SHTN1: variants seen among roughly 807,000 people sequenced by gnomAD.
The protein encoded by SHTN1 is shootin 1.
In SHTN1, 42 loss-of-function variants were observed where a neutral mutation model predicts 83.1. That is an observed-to-expected ratio of 0.51 (90% CI 0.39 to 0.65). The LOEUF is 0.65. Ranked by LOEUF, SHTN1 falls within the 30% of genes least tolerant of loss-of-function variation. The pLI, the probability that SHTN1 is intolerant of heterozygous loss-of-function variation, is 0.00. For missense variants in SHTN1, 622 were observed against 737.8 expected (o/e 0.84, Z 1.82); for synonymous variants, 224 against 247.7 (o/e 0.90, Z 0.90).
intron 1 of SHTN1, among the ~76,000 whole-genome samples, chr10:116,983,622 G>T (rs1303141044): frequency 6.6e-6 from 1 of 151,510 alleles, no homozygotes; most frequent in African/African-American, 2.4e-5. Context: ...CTGGGGTAGA[G>T]CCTGGGCATC....
chr10:116,986,701 G>T (rs1455963463), intron 1 of SHTN1, among the ~76,000 whole-genome samples: 2 of 143,308 alleles, frequency 1.4e-5, no homozygotes, highest in East Asian at 4.2e-4. Context: ...GGGCAACATA[G>T]CAAAACCCAG....
In SHTN1 at chr10:117,005,039, G is replaced by A. The variant is rs747181032; in HGVS notation, c.41C>T (p.Thr14Ile). ...CTGCCTACCTTGCTCCTTCAGACTGGTAATGAGCTGCAGCTGCTTCTCTTC... is the reference window on the plus strand; with the variant it reads ...CTGCCTACCTTGCTCCTTCAGACTGATAATGAGCTGCAGCTGCTTCTCTTC... ...SDEEKQLQLI[T>I]SLKEQAIGEY... The change falls in exon 1 of 17, where the codon ACC becomes ATC. Residue 14 changes from threonine to isoleucine, a missense_variant. Transcript: ENST00000355371. The A allele has an allele frequency of 4.4e-6, 7 of 1,598,292 alleles. No homozygotes were observed. In the Admixed American group the frequency reaches 1.2e-4, roughly 28 times the overall value.
At chr10:116,897,820 A>C (rs1331441031) in intron 16 of SHTN1, among the ~76,000 whole-genome samples, 1 of 152,120 alleles carries the variant, frequency 6.6e-6, no homozygotes, top group African/African-American at 2.4e-5. Context: ...AAGTCTTGGA[A>C]ATAACTGGAT....
intron 3 of SHTN1, among the ~76,000 whole-genome samples, chr10:116,966,675 A>G (rs1850407995): frequency 6.6e-6 from 1 of 152,226 alleles, no homozygotes; most frequent in East Asian, 1.9e-4. Context: ...CTGGTTTTGC[A>G]TAATGCAGGA....
At chr10:117,119,546 T>C (rs926794948) in intron 1 of SHTN1, among the ~76,000 whole-genome samples, 1 of 152,148 alleles carries the variant, frequency 6.6e-6, no homozygotes, top group African/African-American at 2.4e-5. Context: ...CAATACCAAA[T>C]ACTGGCGAGG....
intron 12 of SHTN1, among the ~76,000 whole-genome samples, chr10:116,916,031 AT>A (rs1296889779): frequency 5.3e-5 from 8 of 152,254 alleles, no homozygotes; most frequent in Non-Finnish European, 1.5e-5. Context: ...TATGAATCGC[AT>A]GGAAAGGAAA....
intron 2 of SHTN1, among the ~76,000 whole-genome samples, chr10:117,031,261 T>C (rs1031677892): frequency 6.6e-6 from 1 of 152,172 alleles, no homozygotes; most frequent in African/African-American, 2.4e-5. Flanking sequence ...AGTAAAAATA[T>C]CCTTCAAATG....
At chr10:117,024,447 C>T (rs569624881) in intron 2 of SHTN1, among the ~76,000 whole-genome samples, 75 of 149,384 alleles carry the variant, frequency 5.0e-4, no homozygotes, top group Non-Finnish European at 7.4e-4. Context: ...CTCCGCCTCC[C>T]GGGTTCACGC....
At chr10:116,900,233 T>C in intron 16 of SHTN1, 1 of 306,058 alleles carries the variant, frequency 3.3e-6, no homozygotes, top group Non-Finnish European at 6.0e-6. Flanking sequence ...TAGAAGTTAA[T>C]ACAGCAGTCC....
At chr10:116,898,549 T>C (rs1847604653) in intron 16 of SHTN1, among the ~76,000 whole-genome samples, 1 of 152,180 alleles carries the variant, frequency 6.6e-6, no homozygotes. Flanking sequence ...AATTCTGATC[T>C]AAATTATAAC....
chr10:116,993,257 C>T (rs191056986), intron 1 of SHTN1, among the ~76,000 whole-genome samples: 1 of 151,870 alleles, frequency 6.6e-6, no homozygotes, highest in South Asian at 2.1e-4. Flanking sequence ...CCTCATGATC[C>T]GCCTGCCCTG....
intron 1 of SHTN1, among the ~76,000 whole-genome samples, chr10:117,053,931 A>G (rs1408167329): frequency 1.3e-5 from 2 of 152,250 alleles, no homozygotes; most frequent in Non-Finnish European, 2.9e-5. Context: ...ACATAGTATG[A>G]TACATGCTAC....
intron 2 of SHTN1, among the ~76,000 whole-genome samples, chr10:117,038,228 C>T (rs1423809719): frequency 1.3e-5 from 2 of 151,744 alleles, no homozygotes; most frequent in East Asian, 2.0e-4. Context: ...GCAACCTTGA[C>T]CTTCTGGGCT....
intron 2 of SHTN1, among the ~76,000 whole-genome samples, chr10:116,978,605 T>C (rs1414674524): frequency 6.6e-6 from 1 of 151,168 alleles, no homozygotes; most frequent in Non-Finnish European, 1.5e-5. Flanking sequence ...TATATATATA[T>C]ATATTATTAG....
At chr10:117,118,474 A>G (rs969403493) in intron 1 of SHTN1, among the ~76,000 whole-genome samples, 2 of 152,104 alleles carry the variant, frequency 1.3e-5, no homozygotes, top group Non-Finnish European at 2.9e-5. Context: ...TATAGTCACT[A>G]TGAAAAATAG....
Position 116,886,154 on chromosome 10 carries a change from G to C in SHTN1, c.*190C>G. 3 of 772,208 alleles carry C rather than the reference G, an allele frequency of 3.9e-6. No homozygotes were observed. In the Admixed American group the frequency reaches 9.1e-5, roughly 24 times the overall value. 47.8% of individuals were successfully genotyped at this position (772,208 alleles called of 1,614,324 possible). On this transcript the variant is annotated 3_prime_UTR_variant, in exon 17 of 17. Transcript: ENST00000355371. ...AAGATCAAAAAACCAAAACCTACTA[G>C]GAATGTGTGTTTTGCTAAACAGCTT...
intron 12 of SHTN1, among the ~76,000 whole-genome samples, chr10:116,916,484 C>T (rs563296183): frequency 2.0e-5 from 3 of 152,314 alleles, no homozygotes; most frequent in South Asian, 4.1e-4. Flanking sequence ...CAACAAGTTT[C>T]TACTGACTAT....
chr10:117,082,680 TG>T (rs1853288876), intron 1 of SHTN1, among the ~76,000 whole-genome samples: 2 of 150,082 alleles, frequency 1.3e-5, no homozygotes, highest in South Asian at 2.1e-4. Context: ...TAAGTCTCTT[TG>T]TAGGTCACTC....
At chr10:116,933,628 ATG>A (rs1021273738) in intron 9 of SHTN1, among the ~76,000 whole-genome samples, 4 of 152,148 alleles carry the variant, frequency 2.6e-5, no homozygotes, top group Non-Finnish European at 5.9e-5. Flanking sequence ...CAATAAACAT[ATG>A]TGTGTGTGTG....
Sources: gnomAD v4.1 joint callset for allele counts (sites outside exome capture counted in the v4.1 genomes callset) on GRCh38, gnomAD v4.1.1 for gene constraint, MANE v1.5 for transcripts, NCBI Gene and HGNC (gene_info 2026-07-23, HGNC 2026-07-21) for gene names.